RBFOX1: variants seen among roughly 807,000 people sequenced by gnomAD.
The protein encoded by RBFOX1 is RNA binding fox-1 homolog 1, also known as RNA binding protein fox-1 homolog 1.
Under a neutral mutation model 57.7 loss-of-function variants are expected in RBFOX1, and 8 were observed. The ratio of observed to expected loss-of-function variants is 0.14; its 90% CI spans 0.08 to 0.25. The LOEUF is 0.25. Among genes scored for constraint, RBFOX1 ranks in the 10% least tolerant of loss-of-function variants. RBFOX1 has a pLI of 1.00. For missense variants in RBFOX1, 611 were observed against 548.5 expected (o/e 1.11, Z -1.14); for synonymous variants, 326 against 222.4 (o/e 1.47, Z -4.15).
At chr16:6,505,232 A>C in intron 2 of RBFOX1, among the ~76,000 whole-genome samples, 1 of 152,250 alleles carries the variant, frequency 6.6e-6, no homozygotes, top group East Asian at 1.9e-4. Flanking sequence ...ACTTTTATGT[A>C]GTTGTCACTT....
chr16:6,661,187 C>G (rs2098699196), intron 3 of RBFOX1, among the ~76,000 whole-genome samples: 1 of 152,116 alleles, frequency 6.6e-6, no homozygotes, highest in African/African-American at 2.4e-5. Flanking sequence ...TATGAGCAAT[C>G]CAAATGAAGC....
chr16:6,680,078 G>C (rs1212719108), intron 3 of RBFOX1, among the ~76,000 whole-genome samples: 1 of 151,864 alleles, frequency 6.6e-6, no homozygotes, highest in Non-Finnish European at 1.5e-5. Context: ...AATCTGAAGA[G>C]ATTGGCAACT....
intron 3 of RBFOX1, among the ~76,000 whole-genome samples, chr16:6,837,505 C>G (rs535833699): frequency 6.6e-6 from 1 of 152,148 alleles, no homozygotes; most frequent in Non-Finnish European, 1.5e-5. Flanking sequence ...TAACCATGTC[C>G]TATGCAGTAC....
chr16:6,403,644 C>T (rs2109456), intron 2 of RBFOX1, among the ~76,000 whole-genome samples: 5 of 151,940 alleles, frequency 3.3e-5, no homozygotes, highest in Admixed American at 1.3e-4. Flanking sequence ...CATGAGCCAC[C>T]GTGCCTGACA....
chr16:7,567,651 C>CTATATA (rs200824101), intron 5 of RBFOX1, among the ~76,000 whole-genome samples: 2 of 59,020 alleles, frequency 3.4e-5, no homozygotes, highest in African/African-American at 9.9e-5. Flanking sequence ...ATATATGGCC[C>CTATATA]TATATATATA....
At chr16:5,718,532 G>A (rs576594482) in intron 3 of RBFOX1, among the ~76,000 whole-genome samples, 1 of 152,228 alleles carries the variant, frequency 6.6e-6, no homozygotes, top group African/African-American at 2.4e-5. Flanking sequence ...TTGGAAGAGA[G>A]AAAATCAAGT....
chr16:6,670,601 A>G (rs938455833), intron 3 of RBFOX1, among the ~76,000 whole-genome samples: 2 of 152,236 alleles, frequency 1.3e-5, no homozygotes, highest in Non-Finnish European at 2.9e-5. Context: ...GAAAATGCAA[A>G]TTAAAACCAT....
At chr16:7,704,383 G>A (rs935723241) in intron 14 of RBFOX1, among the ~76,000 whole-genome samples, 2 of 152,198 alleles carry the variant, frequency 1.3e-5, no homozygotes, top group East Asian at 1.9e-4. Context: ...CAGAAATGAT[G>A]TAAAAAGTGT....
chr16:6,062,371 C>A (rs2095698845), intron 1 of RBFOX1, among the ~76,000 whole-genome samples: 1 of 152,024 alleles, frequency 6.6e-6, no homozygotes, highest in African/African-American at 2.4e-5. Flanking sequence ...CCCCTGGCAA[C>A]CATCCCCCAT....
intron 14 of RBFOX1, among the ~76,000 whole-genome samples, chr16:7,679,249 A>C (rs967267202): frequency 2.0e-5 from 3 of 152,216 alleles, no homozygotes; most frequent in African/African-American, 7.2e-5. Context: ...GAAAATGTGA[A>C]ATTATCAGAA....
At chr16:7,151,427 A>G (rs1213681260) in intron 4 of RBFOX1, among the ~76,000 whole-genome samples, 1 of 152,146 alleles carries the variant, frequency 6.6e-6, no homozygotes, top group Non-Finnish European at 1.5e-5. Flanking sequence ...AACTAATGTC[A>G]CTAATGTCTT....
In RBFOX1 at chr16:7,592,098, C is replaced by T. The variant is rs147918168; in HGVS notation, c.469-3451C>T. On this transcript the variant is annotated intron_variant, in intron 7 of 15. Transcript: ENST00000550418. ...CAACGGAACAGGTAGGAAAGTCTGTCTGGCATTTTGAGGACCGTCTGGAGC... is the reference window on the plus strand; with the variant it reads ...CAACGGAACAGGTAGGAAAGTCTGTTTGGCATTTTGAGGACCGTCTGGAGC... 1.5e-3 allele frequency among the ~76,000 whole-genome samples: 228 copies of T among 152,224 alleles called. 1 individual carries two copies. Among genetic ancestry groups the T allele is most frequent in the African/African-American group, 5.1e-3 (211 of 41,526 alleles).
chr16:5,392,746 T>C (rs2066448000), intron 1 of RBFOX1, among the ~76,000 whole-genome samples: 2 of 152,054 alleles, frequency 1.3e-5, no homozygotes, highest in Non-Finnish European at 2.9e-5. Flanking sequence ...AATGTGCTCA[T>C]CTAGGCAAGT....
At chr16:5,983,014 A>C (rs2152311777) in intron 4 of RBFOX1, among the ~76,000 whole-genome samples, 1 of 152,260 alleles carries the variant, frequency 6.6e-6, no homozygotes, top group Middle Eastern at 3.4e-3. Flanking sequence ...CTGTCAGGTA[A>C]GAGGGTCACA....
rs1449680384 is a variant in RBFOX1, at chr16:5,947,216, TAAAAC to T, written c.351+79890_351+79894del. On this transcript the variant is annotated intron_variant, in intron 4 of 19. Coordinates refer to the RBFOX1 transcript ENST00000641259. The surrounding 1 kb of genome is among the most constrained non-coding windows in gnomAD (Gnocchi z 7.2). ...GGGTGGCAGAGTGAGACTCTGTCTC[TAAAAC>T]AAAACAAACCAGAAGAAAGGCTACT... 6.6e-6 allele frequency among the ~76,000 whole-genome samples: 1 copy of T among 152,076 alleles called. No individual in the cohort carries two copies. The highest frequency in any genetic ancestry group is 1.5e-5 in the Non-Finnish European group (1 of 68,006).
chr16:5,888,319 C>T (rs1245266394), intron 4 of RBFOX1, among the ~76,000 whole-genome samples: 5 of 152,142 alleles, frequency 3.3e-5, no homozygotes. Flanking sequence ...TGAGCATCTT[C>T]CTTTATTCTA....
rs80255905 is a variant in RBFOX1 at position 6,901,817 on chromosome 16, T to C, written c.-15-150240T>C. Among the ~76,000 whole-genome samples, 1,200 of 152,350 alleles carry C rather than the reference T, an allele frequency of 7.9e-3. 16 individuals are homozygous for C. Among genetic ancestry groups the C allele is most frequent in the African/African-American group, 0.02 (833 of 41,588 alleles). On this transcript the variant is annotated intron_variant, in intron 3 of 15. Coordinates refer to ENST00000550418, the MANE Select transcript of RBFOX1 (RefSeq NM_018723.4). Reference sequence around the variant, plus strand: ...GAAGAGACATAATACTTCACTGTTATATTTACTGTGTTAAATATAAAGTGG... The same window carrying C: ...GAAGAGACATAATACTTCACTGTTACATTTACTGTGTTAAATATAAAGTGG...
At chr16:6,130,667 T>A (rs2096623266) in intron 1 of RBFOX1, among the ~76,000 whole-genome samples, 1 of 151,918 alleles carries the variant, frequency 6.6e-6, no homozygotes. Context: ...TTAGATTGAG[T>A]AAAAGAGTGG....
chr16:5,817,892 G>A (rs7199491), intron 3 of RBFOX1, among the ~76,000 whole-genome samples: 1 of 151,674 alleles, frequency 6.6e-6, no homozygotes, highest in Admixed American at 6.6e-5. Flanking sequence ...GGGATTCACC[G>A]TGTTAGCCAG....
Sources: gnomAD v4.1 joint callset for allele counts (sites outside exome capture counted in the v4.1 genomes callset) on GRCh38, gnomAD v4.1.1 for gene constraint, Gnocchi (gnomAD v3.1) non-coding constraint, MANE v1.5 for transcripts, NCBI Gene and HGNC (gene_info 2026-07-23, HGNC 2026-07-21) for gene names.